GPR139: variants seen among roughly 807,000 people sequenced by gnomAD.
GPR139 encodes G protein-coupled receptor 139, also known as probable G protein-coupled receptor 139.
GPR139 carries 12 observed loss-of-function variants against 25.8 expected under a neutral mutation model. That is an observed-to-expected ratio of 0.47 (90% CI 0.30 to 0.75). The LOEUF (loss-of-function observed/expected upper bound fraction) is 0.75. GPR139 is among the 30% of genes least tolerant of loss of function. The probability of loss-of-function intolerance (pLI) is 0.07; values close to 1 mark genes in which losing one functional copy is unlikely to be tolerated. For missense variants in GPR139, 380 were observed against 450.2 expected, an observed-to-expected ratio of 0.84 and a Z score of 1.41; for synonymous variants, 184 against 179.9, an observed-to-expected ratio of 1.02 and a Z score of -0.18.
chr16:20,039,624 G>T (rs1478629863), intron 1 of GPR139, among the ~76,000 whole-genome samples: 1 of 152,092 alleles, frequency 6.6e-6, no homozygotes, highest in East Asian at 1.9e-4. Context: ...TGGGTACCAC[G>T]ATTTAAAAGC....
chr16:20,067,139 C>A (rs577333140), intron 1 of GPR139, among the ~76,000 whole-genome samples: 12 of 152,274 alleles, frequency 7.9e-5, no homozygotes, highest in African/African-American at 2.9e-4. Context: ...TCTCACAAAG[C>A]AAAACTAACA....
intron 1 of GPR139, among the ~76,000 whole-genome samples, chr16:20,069,118 C>T (rs1243349975): frequency 6.6e-6 from 1 of 152,142 alleles, no homozygotes; most frequent in Non-Finnish European, 1.5e-5. Flanking sequence ...TTTGATAAAG[C>T]TGGCGTCACA....
chr16:20,055,117 G>A (rs761253182), intron 1 of GPR139, among the ~76,000 whole-genome samples: 3 of 146,604 alleles, frequency 2.0e-5, no homozygotes, highest in Non-Finnish European at 3.0e-5. Context: ...TCCACCGTCT[G>A]ATAGGCCCAA....
Position 20,031,506 on chromosome 16 carries a change from T to C in GPR139, c.*229A>G. The C allele has an allele frequency of 1.8e-6, 1 of 543,642 alleles. No homozygotes were observed. Among genetic ancestry groups the C allele is most frequent in the East Asian group, 3.0e-5 (1 of 32,982 alleles). 33.7% of individuals were successfully genotyped at this position (543,642 alleles called of 1,614,324 possible). ...TGGCATCTTCAAACTGGTAGGAGCT[T>C]TTGCTGTCATTACGACTCTGTGGAA... On this transcript the variant is annotated 3_prime_UTR_variant, in exon 2 of 2. Transcript: ENST00000570682.
In GPR139 at chr16:20,031,811, G is replaced by A. The variant is rs904899563; in HGVS notation, c.986C>T (p.Pro329Leu). The A allele has an allele frequency of 1.2e-5, 20 of 1,614,048 alleles. No individual in the cohort carries two copies. The highest frequency in any genetic ancestry group is 2.7e-5 in the African/African-American group (2 of 74,912). ...CATCTTGATGCAGTGTGAGTTTGCC[G>A]GCGAGATCCAGGGGCTACTTGTTAT... ...FSITSSPWIS[P>L]ANSHCIKMLV... The change falls in exon 2 of 2, where the codon CCG (proline) becomes CTG (leucine). Residue 329 changes from proline to leucine, a missense_variant. Coordinates refer to ENST00000570682, the MANE Select transcript of GPR139 (RefSeq NM_001002911.4).
chr16:20,073,772 T>A lies in GPR139; in HGVS notation c.-156A>T. ...GCTCCTACCCTTGGCCGTGATCCCC[T>A]CTGCTCGCTCCGCACCTGCCCGCCT... On this transcript the variant is annotated 5_prime_UTR_variant, in exon 1 of 2. Transcript: ENST00000570682. The surrounding 1 kb of genome is among the most constrained non-coding windows in gnomAD (Gnocchi z 4.7). 1.1e-6 allele frequency: 1 copy of A among 947,404 alleles called. No individual in the cohort carries two copies. The highest frequency in any genetic ancestry group is 1.5e-6 in the Non-Finnish European group (1 of 671,170). The allele number at this position is 947,404 out of a possible 1,614,324, so 58.7% of individuals were successfully genotyped here. A position where few individuals can be genotyped will look rare whatever the true frequency, so the allele number is the denominator to read the frequency against.
rs3041359 is a variant in GPR139 at position 20,051,062 on chromosome 16, C to CA, written c.128-18394dup. 1.8e-3 allele frequency among the ~76,000 whole-genome samples: 223 copies of CA among 121,362 alleles called. 3 individuals are homozygous for CA. The highest frequency in any genetic ancestry group is 3.9e-3 in the Middle Eastern group (1 of 254). 79.6% of individuals were successfully genotyped at this position (121,362 alleles called of 152,430 possible). A position where few individuals can be genotyped will look rare whatever the true frequency, so the allele number is the denominator to read the frequency against. On this transcript the variant is annotated intron_variant, in intron 1 of 1. Transcript: ENST00000570682. ...TGGGCAACAGAGCAAGACCCTGTTT[C>CA]AAAAAAAAAAAAAGAAAGAAAGAAA...
intron 1 of GPR139, among the ~76,000 whole-genome samples, chr16:20,052,993 A>G (rs1366127577): frequency 6.6e-6 from 1 of 151,974 alleles, no homozygotes; most frequent in Admixed American, 6.6e-5. Context: ...TGCATTAGCT[A>G]TTTTTCCCAA....
intron 1 of GPR139, among the ~76,000 whole-genome samples, chr16:20,035,072 C>T (rs758989482): frequency 1.4e-4 from 22 of 152,066 alleles, no homozygotes; most frequent in Admixed American, 2.6e-4. Flanking sequence ...TGCTGAATTG[C>T]TTTGTAAAAT....
In GPR139 at chr16:20,067,804, C is replaced by CAAAA. The variant is rs35387821; in HGVS notation, c.127+5682_127+5685dup. 2.5e-3 allele frequency among the ~76,000 whole-genome samples: 168 copies of CAAAA among 68,270 alleles called. 1 individual carries two copies. Among genetic ancestry groups the CAAAA allele is most frequent in the East Asian group, 4.2e-3 (9 of 2,162 alleles). 44.8% of individuals were successfully genotyped at this position (68,270 alleles called of 152,430 possible). A position where few individuals can be genotyped will look rare whatever the true frequency, so the allele number is the denominator to read the frequency against. On this transcript the variant is annotated intron_variant, in intron 1 of 1. Transcript: ENST00000570682. ...GGGCAACTAGAGCAAAACTCCATCT[C>CAAAA]AAAAAAAAAAAAAAAAAAAAGCATT...
intron 1 of GPR139, among the ~76,000 whole-genome samples, chr16:20,068,086 A>T (rs1376296865): frequency 6.6e-6 from 1 of 152,102 alleles, no homozygotes; most frequent in East Asian, 1.9e-4. Flanking sequence ...AATACATAAG[A>T]AACTAAAATA....
chr16:20,061,363 GTGGA>G (rs1270787470), intron 1 of GPR139, among the ~76,000 whole-genome samples: 2 of 151,084 alleles, frequency 1.3e-5, no homozygotes, highest in Admixed American at 6.6e-5. Context: ...GAATCAATGG[GTGGA>G]TGGATGGATG....
chr16:20,047,651 G>A (rs552807991), intron 1 of GPR139, among the ~76,000 whole-genome samples: 1 of 152,266 alleles, frequency 6.6e-6, no homozygotes, highest in South Asian at 2.1e-4. Context: ...GGGTTCCATG[G>A]CAGCAGGTGT....
intron 1 of GPR139, among the ~76,000 whole-genome samples, chr16:20,046,776 AAG>A (rs2057355741): frequency 6.6e-6 from 1 of 152,154 alleles, no homozygotes; most frequent in Non-Finnish European, 1.5e-5. Context: ...CATTAAAACA[AAG>A]AAAAAAATGG....
chr16:20,038,954 G>C (rs2057320836), intron 1 of GPR139, among the ~76,000 whole-genome samples: 1 of 152,122 alleles, frequency 6.6e-6, no homozygotes, highest in Non-Finnish European at 1.5e-5. Context: ...CCATTTCTGA[G>C]CTTTCCTGTC....
At chr16:20,039,135 A>G (rs553602490) in intron 1 of GPR139, among the ~76,000 whole-genome samples, 1 of 152,332 alleles carries the variant, frequency 6.6e-6, no homozygotes, top group South Asian at 2.1e-4. Context: ...ATGTTTTGTG[A>G]CTGCAAAGCT....
At chr16:20,060,195 G>T (rs941194976) in intron 1 of GPR139, among the ~76,000 whole-genome samples, 1 of 152,102 alleles carries the variant, frequency 6.6e-6, no homozygotes, top group Non-Finnish European at 1.5e-5. Flanking sequence ...GTTAAAAGCT[G>T]CAGCGAGAAC....
At chr16:20,044,241 G>A (rs1014665200) in intron 1 of GPR139, among the ~76,000 whole-genome samples, 48 of 152,112 alleles carry the variant, frequency 3.2e-4, no homozygotes, top group African/African-American at 1.1e-3. Context: ...ACAGTCTTCT[G>A]GTATATTTCT....
At chr16:20,059,647 C>T (rs951363714) in intron 1 of GPR139, among the ~76,000 whole-genome samples, 1 of 152,208 alleles carries the variant, frequency 6.6e-6, no homozygotes, top group African/African-American at 2.4e-5. Context: ...TGCTTGTCTC[C>T]TTGCTCATGC....
Sources: gnomAD v4.1 joint callset for allele counts (sites outside exome capture counted in the v4.1 genomes callset) on GRCh38, gnomAD v4.1.1 for gene constraint, Gnocchi (gnomAD v3.1) non-coding constraint, MANE v1.5 for transcripts, NCBI Gene and HGNC (gene_info 2026-07-23, HGNC 2026-07-21) for gene names.